The following TJP3 variants were observed in gnomAD, a reference collection of about 807,000 sequenced individuals.
TJP3 encodes tight junction protein ZO-3.
A neutral mutation model predicts 104.2 loss-of-function variants in TJP3; 85 were observed. That is an observed-to-expected ratio of 0.82 (90% CI 0.68 to 0.98). TJP3 has a LOEUF of 0.98. Ranked by LOEUF, TJP3 falls within the 50% of genes least tolerant of loss-of-function variation. TJP3 has a pLI of 0.00. For missense variants in TJP3, 1,367 were observed against 1,322.8 expected (o/e 1.03, Z -0.52); for synonymous variants, 550 against 550.6 (o/e 1.00, Z 0.02).
rs145675662 is a variant in TJP3 at position 3,749,982 on chromosome 19, A to T, written c.2611-156A>T. Reference sequence around the variant, plus strand: ...CCCCTATCCCAGCCTCAGTTTTCTCATTTAGATTTGGGGATGACCTGCAGA... The same window carrying T: ...CCCCTATCCCAGCCTCAGTTTTCTCTTTTAGATTTGGGGATGACCTGCAGA... On this transcript the variant is annotated intron_variant, in intron 19 of 20. Transcript: ENST00000541714. Among the ~76,000 whole-genome samples the T allele has an allele frequency of 4.0e-3, 615 of 152,126 alleles. 10 individuals are homozygous for T. The highest frequency in any genetic ancestry group is 0.014 in the African/African-American group (598 of 41,486).
chr19:3,720,670 C>T (rs1261312734), intron 1 of TJP3, among the ~76,000 whole-genome samples: 4 of 151,924 alleles, frequency 2.6e-5, no homozygotes, highest in Admixed American at 2.6e-4. Flanking sequence ...ACCAGCCCCG[C>T]CCACCCAGGT....
At chr19:3,748,210 T>G in intron 19 of TJP3, 129 bp downstream of exon 19, 1 of 1,248,608 alleles carries the variant, frequency 8.0e-7, no homozygotes, top group Non-Finnish European at 1.1e-6. Flanking sequence ...TCAGACTGGT[T>G]TCTGGGACTC....
At chr19:3,721,600 C>T (rs970774406) in intron 1 of TJP3, 7 of 262,880 alleles carry the variant, frequency 2.7e-5, no homozygotes, top group Non-Finnish European at 5.0e-5. Context: ...GCGTGGATAA[C>T]CCGGCCTGGA....
rs1013004339 is a variant in TJP3 at position 3,746,524 on chromosome 19, G to A, written c.2050G>A (p.Glu684Lys). ...ALLDVTPSAI[E>K]RLNYVQYYPI... Reference sequence around the variant, plus strand: ...CCTGGATGTGACCCCCTCCGCCATCGAGCGCCTCAACTATGTGCAGTACTA... The same window carrying A: ...CCTGGATGTGACCCCCTCCGCCATCAAGCGCCTCAACTATGTGCAGTACTA... The change falls in exon 17 of 21, where the codon GAG (glutamate) becomes AAG (lysine). Residue 684 changes from glutamate (E) to lysine (K), a missense_variant. Coordinates refer to ENST00000541714, the MANE Select transcript of TJP3 (RefSeq NM_001267560.2). This position sits in a 1 kb window ranked among gnomAD's most constrained non-coding sequence, Gnocchi z 4.1. 8 of 1,613,944 alleles carry A rather than the reference G, an allele frequency of 5.0e-6. No individual in the cohort carries two copies. Among genetic ancestry groups the A allele is most frequent in the South Asian group, 3.3e-5 (3 of 91,072 alleles).
In TJP3 at chr19:3,730,209, G is replaced by A; in HGVS notation, c.261+79G>A. ...GCCGCTGTGGGGGTTGTAAGCTTCT[G>A]AGAGCAAGGAGTCATCTTCTCATCT... On this transcript the variant is annotated intron_variant, in intron 4 of 20. Transcript: ENST00000541714. This position sits in a 1 kb window ranked among gnomAD's most constrained non-coding sequence, Gnocchi z 7.3. 1 of 1,541,130 alleles carries A rather than the reference G, an allele frequency of 6.5e-7. No individual in the cohort carries two copies. Among genetic ancestry groups the A allele is most frequent in the Non-Finnish European group, 9.0e-7 (1 of 1,116,964 alleles).
chr19:3,747,985 G>A lies in TJP3; in HGVS notation c.2514G>A (p.Pro838=), dbSNP rs375777861. ...ACACGGATGTGGATGATGAGCCCCC[G>A]GCTCCAGCCCTGGCCCGGTCCTCGG... The part of the protein sequence containing the change: ...GPYTDVDDEP[P]APALARSSEP... Residue 838 remains proline (P), a synonymous_variant, in exon 19 of 21, where the codon CCG becomes CCA. Transcript: ENST00000541714. 2.9e-5 allele frequency: 47 copies of A among 1,611,952 alleles called. No homozygotes were observed. Among genetic ancestry groups the A allele is most frequent in the Non-Finnish European group, 3.5e-5 (41 of 1,179,532 alleles).
At chr19:3,729,472 A>C (rs567700453) in intron 3 of TJP3, among the ~76,000 whole-genome samples, 2 of 152,046 alleles carry the variant, frequency 1.3e-5, no homozygotes, top group Non-Finnish European at 2.9e-5. Flanking sequence ...AGGAGTGAGA[A>C]GATGCCAGGT....
Position 3,747,982 on chromosome 19 carries a change from C to G in TJP3, c.2511C>G (p.Pro837=). Residue 837 remains proline (P), a synonymous_variant, in exon 19 of 21, where the codon CCC becomes CCG. Transcript: ENST00000541714. The part of the protein sequence containing the change: ...GGPYTDVDDE[P]PAPALARSSE... Reference sequence around the variant, plus strand: ...CCTACACGGATGTGGATGATGAGCCCCCGGCTCCAGCCCTGGCCCGGTCCT... The same window carrying G: ...CCTACACGGATGTGGATGATGAGCCGCCGGCTCCAGCCCTGGCCCGGTCCT... 1.2e-6 allele frequency: 2 copies of G among 1,612,232 alleles called. No individual in the cohort carries two copies. The highest frequency in any genetic ancestry group is 1.7e-6 in the Non-Finnish European group (2 of 1,179,586).
At position 3,749,215 on chromosome 19, in the gene TJP3, A is replaced by C. The variant is rs1014921429; in HGVS notation, c.2611-923A>C. Among the ~76,000 whole-genome samples the C allele has an allele frequency of 1.7e-4, 26 of 152,084 alleles. 1 individual carries two copies. Among genetic ancestry groups the C allele is most frequent in the Non-Finnish European group, 1.5e-5 (1 of 68,016 alleles). On this transcript the variant is annotated intron_variant, in intron 19 of 20. Transcript: ENST00000541714. ...CTGTGCACCTGTTTCCTCATCTAGG[A>C]CACAGGGTGGATGGTATCAGACTTG...
intron 10 of TJP3, 36 bp from the exon 11 acceptor site, chr19:3,736,129 A>G: frequency 6.4e-7 from 1 of 1,562,270 alleles, no homozygotes. Flanking sequence ...TTGTCCGCCC[A>G]CTCTGCTCTG....
chr19:3,724,328 T>C (rs891833982), intron 1 of TJP3, among the ~76,000 whole-genome samples: 7 of 152,024 alleles, frequency 4.6e-5, no homozygotes, highest in East Asian at 1.9e-4. Context: ...CCTGAGTAGC[T>C]GGGACTACAG....
In TJP3 at chr19:3,746,393, C is replaced by CTCTGACCTCAGACTCTTCA; in HGVS notation, c.2011-88_2011-70dup. 7.1e-7 allele frequency: 1 copy of CTCTGACCTCAGACTCTTCA among 1,417,112 alleles called. No homozygotes were observed. Among genetic ancestry groups the CTCTGACCTCAGACTCTTCA allele is most frequent in the Non-Finnish European group, 9.7e-7 (1 of 1,026,162 alleles). 87.8% of individuals were successfully genotyped at this position (1,417,112 alleles called of 1,614,324 possible). A position where few individuals can be genotyped will look rare whatever the true frequency, so the allele number is the denominator to read the frequency against. On this transcript the variant is annotated intron_variant, in intron 16 of 20. Coordinates refer to ENST00000541714, the MANE Select transcript of TJP3 (RefSeq NM_001267560.2). The surrounding 1 kb of genome is among the most constrained non-coding windows in gnomAD (Gnocchi z 4.1). ...TGTGGATGTGAGAGGCTGGGGTCCACTCTGACCTCAGACTCTTCATCTTTC... is the reference window on the plus strand; with the variant it reads ...TGTGGATGTGAGAGGCTGGGGTCCACTCTGACCTCAGACTCTTCATCTGACCTCAGACTCTTCATCTTTC...
chr19:3,733,820 G>A lies in TJP3; in HGVS notation c.785G>A (p.Gly262Glu). The A allele has an allele frequency of 6.2e-7, 1 of 1,614,230 alleles. No individual in the cohort carries two copies. Among genetic ancestry groups the A allele is most frequent in the South Asian group, 1.1e-5 (1 of 91,088 alleles). ...CGGCGACTGATTGAGAAGTCAGAAGGGAAGCTAAGCCTGCTGGTGCTGAGA... is the reference window on the plus strand; with the variant it reads ...CGGCGACTGATTGAGAAGTCAGAAGAGAAGCTAAGCCTGCTGGTGCTGAGA... Reference protein sequence around the residue: ...DTRRLIEKSEGKLSLLVLRDR... With the variant: ...DTRRLIEKSEEKLSLLVLRDR... The change falls in exon 7 of 21, where the codon GGG becomes GAG. Residue 262 changes from glycine (G) to glutamate (E), a missense_variant. By Grantham distance (98) the Gly-to-Glu change is moderately conservative. Transcript: ENST00000541714.
At chr19:3,749,802 T>A (rs1166552652) in intron 19 of TJP3, 1 of 379,386 alleles carries the variant, frequency 2.6e-6, no homozygotes, top group Non-Finnish European at 4.8e-6. Context: ...GTACCCAACC[T>A]GCTCAACTGT....
intron 1 of TJP3, among the ~76,000 whole-genome samples, chr19:3,713,699 AATTATT>A (rs889957057): frequency 2.0e-4 from 30 of 151,918 alleles, no homozygotes; most frequent in African/African-American, 7.3e-4. Flanking sequence ...GTAACTTTAA[AATTATT>A]ATTATTATTT....
intron 1 of TJP3, among the ~76,000 whole-genome samples, chr19:3,718,894 G>C (rs554448513): frequency 6.6e-6 from 1 of 151,972 alleles, no homozygotes; most frequent in African/African-American, 2.4e-5. Flanking sequence ...TTTAAAGATC[G>C]CTGGACTGGC....
intron 11 of TJP3, 30 bp from the exon 12 acceptor site, chr19:3,738,525 T>C: frequency 6.3e-7 from 1 of 1,597,914 alleles, no homozygotes; most frequent in Non-Finnish European, 8.6e-7. Flanking sequence ...TACCAGAGCT[T>C]TTTCTATAGC....
rs1202254899 is a variant in TJP3, at chr19:3,750,784, G to A, written c.*100G>A. ...CCACAACCTTACCTCCCTCCGCCTGGTCTTTAATAAACAGAGTATTTTCAC... is the reference window on the plus strand; with the variant it reads ...CCACAACCTTACCTCCCTCCGCCTGATCTTTAATAAACAGAGTATTTTCAC... On this transcript the variant is annotated 3_prime_UTR_variant, in exon 21 of 21. Transcript: ENST00000541714. 9 of 1,119,854 alleles carry A rather than the reference G, an allele frequency of 8.0e-6. No individual in the cohort carries two copies. In the African/African-American group the frequency reaches 1.2e-4, roughly 16 times the overall value. 69.4% of individuals were successfully genotyped at this position (1,119,854 alleles called of 1,614,324 possible).
At chr19:3,735,507 T>A in intron 8 of TJP3, 59 bp from the exon 9 acceptor site, 8 of 1,578,738 alleles carry the variant, frequency 5.1e-6, no homozygotes, top group Non-Finnish European at 7.0e-6. Flanking sequence ...CCTAAAATTC[T>A]TTTTAAAATG....
Sources: gnomAD v4.1 joint callset for allele counts (sites outside exome capture counted in the v4.1 genomes callset) on GRCh38, gnomAD v4.1.1 for gene constraint, Gnocchi (gnomAD v3.1) non-coding constraint, MANE v1.5 for transcripts, NCBI Gene and HGNC (gene_info 2026-07-23, HGNC 2026-07-21) for gene names.